ZNF804A: variants seen among roughly 807,000 people sequenced by gnomAD.
ZNF804A encodes zinc finger protein 804A.
A neutral mutation model predicts 16.5 loss-of-function variants in ZNF804A; 2 were observed. The ratio of observed to expected loss-of-function variants is 0.12; its 90% confidence interval spans 0.05 to 0.38. The LOEUF (loss-of-function observed/expected upper bound fraction) is 0.38, where lower values mean the gene tolerates loss of function less well. Ranked by LOEUF, ZNF804A falls within the 10% of genes least tolerant of loss-of-function variation. The pLI is 0.99. For missense variants in ZNF804A, 1,473 were observed against 1,390.7 expected, an observed-to-expected ratio of 1.06 and a Z score of -0.94; for synonymous variants, 534 against 489.6, an observed-to-expected ratio of 1.09 and a Z score of -1.20.
At chr2:184,699,082 A>G (rs536755863) in intron 1 of ZNF804A, among the ~76,000 whole-genome samples, 3 of 152,062 alleles carry the variant, frequency 2.0e-5, no homozygotes, top group South Asian at 2.1e-4. Flanking sequence ...CTGGGATTCT[A>G]TAACTAAAGA....
chr2:184,731,251 C>CAAAAAAAAAAA (rs563068533), intron 1 of ZNF804A, among the ~76,000 whole-genome samples: 2 of 45,310 alleles, frequency 4.4e-5, no homozygotes, highest in African/African-American at 2.0e-4. Flanking sequence ...GGCTCCGTCG[C>CAAAAAAAAAAA]AAAAAAAAAA....
Position 184,936,385 on chromosome 2 carries a change from C to A in ZNF804A, c.989C>A (p.Pro330Gln), listed in dbSNP as rs1288891268. The change falls in exon 4 of 4, where the codon CCA (proline) becomes CAA (glutamine). Residue 330 changes from proline to glutamine, a missense_variant. Pro to Gln is a moderately conservative substitution (Grantham distance 76, BLOSUM62 -1). Coordinates refer to ENST00000302277, the MANE Select transcript of ZNF804A (RefSeq NM_194250.2). ...GCAGATAATTGTCAAAATTCAGTCC[C>A]ATTAGCAGATCAAATACCACTAGAG... ...SDADNCQNSV[P>Q]LADQIPLESV... The A allele has an allele frequency of 6.2e-7, 1 of 1,613,956 alleles. No individual in the cohort carries two copies. The highest frequency in any genetic ancestry group is 1.1e-5 in the South Asian group (1 of 91,058).
intron 1 of ZNF804A, among the ~76,000 whole-genome samples, chr2:184,721,253 T>C (rs1399822417): frequency 1.3e-5 from 2 of 152,046 alleles, no homozygotes; most frequent in African/African-American, 4.8e-5. Flanking sequence ...AATGAGACTA[T>C]ATTAAACCAA....
intron 1 of ZNF804A, among the ~76,000 whole-genome samples, chr2:184,652,929 G>A (rs188013050): frequency 2.0e-5 from 3 of 152,226 alleles, no homozygotes; most frequent in African/African-American, 7.2e-5. Context: ...ATGAAAAGGT[G>A]TCTTCTACTA....
At chr2:184,934,728 G>A (rs1685757429) in intron 3 of ZNF804A, among the ~76,000 whole-genome samples, 1 of 152,024 alleles carries the variant, frequency 6.6e-6, no homozygotes, top group South Asian at 2.1e-4. Flanking sequence ...GTGAACTAGA[G>A]CTAATAATGA....
At chr2:184,901,194 G>T (rs772652052) in intron 2 of ZNF804A, among the ~76,000 whole-genome samples, 2 of 152,056 alleles carry the variant, frequency 1.3e-5, no homozygotes, top group Admixed American at 6.6e-5. Context: ...GGCATAACTT[G>T]TATGTGTTTG....
chr2:184,760,349 G>T lies in ZNF804A; in HGVS notation c.112-106020G>T, dbSNP rs1373225502. On this transcript the variant is annotated intron_variant, in intron 1 of 3. Coordinates refer to ENST00000302277, the MANE Select transcript of ZNF804A (RefSeq NM_194250.2). ...ATGTAATATGTAAATAAGTACATAT[G>T]CATATGACATATATAATTATTTTTT... Among the ~76,000 whole-genome samples, 7 of 152,136 alleles carry T rather than the reference G, an allele frequency of 4.6e-5. No individual in the cohort carries two copies. In the East Asian group the frequency reaches 1.4e-3, roughly 29 times the overall value.
chr2:184,664,908 A>C (rs1692232639), intron 1 of ZNF804A, among the ~76,000 whole-genome samples: 1 of 152,192 alleles, frequency 6.6e-6, no homozygotes, highest in Non-Finnish European at 1.5e-5. Flanking sequence ...AACATTTCTG[A>C]ATGGAAATAC....
Position 184,763,203 on chromosome 2 carries a change from T to C in ZNF804A, c.112-103166T>C, listed in dbSNP as rs150795496. ...AGTTTTAACCCTTAATACCTTACAATGTGATCTTATTTGGAAATAGGGTCT... is the reference window on the plus strand; with the variant it reads ...AGTTTTAACCCTTAATACCTTACAACGTGATCTTATTTGGAAATAGGGTCT... On this transcript the variant is annotated intron_variant, in intron 1 of 3. Transcript: ENST00000302277. Among the ~76,000 whole-genome samples the C allele has an allele frequency of 2.2e-3, 330 of 152,244 alleles. 1 individual carries two copies. Among genetic ancestry groups the C allele is most frequent in the Middle Eastern group, 6.8e-3 (2 of 294 alleles).
intron 2 of ZNF804A, among the ~76,000 whole-genome samples, chr2:184,924,747 TC>T: frequency 6.6e-6 from 1 of 152,014 alleles, no homozygotes; most frequent in South Asian, 2.1e-4. Context: ...GTTTCCGTTA[TC>T]ATTTGATTAA....
intron 1 of ZNF804A, among the ~76,000 whole-genome samples, chr2:184,620,479 C>T (rs2105679307): frequency 6.6e-6 from 1 of 151,882 alleles, no homozygotes; most frequent in South Asian, 2.1e-4. Flanking sequence ...ATTTTAGCAA[C>T]TATGCCTCAT....
chr2:184,730,220 AT>A (rs1011999529), intron 1 of ZNF804A, among the ~76,000 whole-genome samples: 3 of 151,966 alleles, frequency 2.0e-5, no homozygotes, highest in Admixed American at 2.0e-4. Flanking sequence ...TTTTAACAGT[AT>A]TTTTTTTAGA....
intron 1 of ZNF804A, among the ~76,000 whole-genome samples, chr2:184,836,654 A>T (rs1176263616): frequency 6.6e-6 from 1 of 151,454 alleles, no homozygotes. Context: ...CATAGATATT[A>T]TATAGAGATA....
intron 1 of ZNF804A, among the ~76,000 whole-genome samples, chr2:184,696,569 G>T (rs759528238): frequency 6.6e-6 from 1 of 152,156 alleles, no homozygotes; most frequent in Admixed American, 6.5e-5. Flanking sequence ...ATTATTTCAA[G>T]AAATGCAATA....
At chr2:184,893,856 C>G (rs1685023438) in intron 2 of ZNF804A, among the ~76,000 whole-genome samples, 1 of 152,036 alleles carries the variant, frequency 6.6e-6, no homozygotes, top group Non-Finnish European at 1.5e-5. Context: ...TCACTTTATT[C>G]CCTGGAGCAG....
rs565038058 is a variant in ZNF804A at position 184,828,237 on chromosome 2, C to T, written c.112-38132C>T. Among the ~76,000 whole-genome samples the T allele has an allele frequency of 9.2e-5, 14 of 151,922 alleles. 1 individual carries two copies. The East Asian group carries it at 1.3e-3, about 15-fold the overall frequency. On this transcript the variant is annotated intron_variant, in intron 1 of 3. Coordinates refer to ENST00000302277, the MANE Select transcript of ZNF804A (RefSeq NM_194250.2). ...GAGGTTAAGAATTTGCCCATGATCA[C>T]ATGGCTAGTAAACAACTGAATGATT...
chr2:184,920,508 G>A (rs1416735925), intron 2 of ZNF804A, among the ~76,000 whole-genome samples: 1 of 152,142 alleles, frequency 6.6e-6, no homozygotes, highest in Non-Finnish European at 1.5e-5. Flanking sequence ...ACTCTAAAGT[G>A]CTTCCCAATG....
At chr2:184,934,927 G>A (rs1341873104) in intron 3 of ZNF804A, among the ~76,000 whole-genome samples, 1 of 152,054 alleles carries the variant, frequency 6.6e-6, no homozygotes, top group Admixed American at 6.5e-5. Context: ...TGTGTTAGTG[G>A]TTAGATAAAG....
intron 1 of ZNF804A, among the ~76,000 whole-genome samples, chr2:184,787,492 C>G (rs1051457215): frequency 1.3e-5 from 2 of 150,562 alleles, no homozygotes; most frequent in Non-Finnish European, 3.0e-5. Flanking sequence ...GAGCACTCCT[C>G]TTTCTCTGCA....
Sources: gnomAD v4.1 joint callset for allele counts (sites outside exome capture counted in the v4.1 genomes callset) on GRCh38, gnomAD v4.1.1 for gene constraint, MANE v1.5 for transcripts, NCBI Gene and HGNC (gene_info 2026-07-23, HGNC 2026-07-21) for gene names.